The following UNC5D variants were observed in gnomAD, a reference collection of about 807,000 sequenced individuals.
The protein encoded by UNC5D is netrin receptor UNC5D.
UNC5D carries 39 observed loss-of-function variants against 105.4 expected under a neutral mutation model. The observed-to-expected ratio is 0.37, with a 90% CI of 0.29 to 0.48. The LOEUF is 0.48. Among genes scored for constraint, UNC5D ranks in the 20% least tolerant of loss-of-function variants. The probability of loss-of-function intolerance (pLI) is 0.98; values close to 1 mark genes in which losing one functional copy is unlikely to be tolerated. For missense variants in UNC5D, 991 were observed against 1,202.4 expected, an observed-to-expected ratio of 0.82 and a Z score of 2.60; for synonymous variants, 452 against 450.4, an observed-to-expected ratio of 1.00 and a Z score of -0.04.
chr8:35,282,501 G>T (rs184157311), intron 1 of UNC5D, among the ~76,000 whole-genome samples: 4 of 152,252 alleles, frequency 2.6e-5, no homozygotes, highest in East Asian at 3.9e-4. Flanking sequence ...ATAAGGAGTT[G>T]TCAGGAAGGG....
chr8:35,747,616 T>C (rs1301884327), intron 11 of UNC5D, among the ~76,000 whole-genome samples: 3 of 152,136 alleles, frequency 2.0e-5, no homozygotes, highest in Admixed American at 2.0e-4. Context: ...AGAACACATA[T>C]GCCATTGGGG....
intron 8 of UNC5D, chr8:35,721,307 T>C (rs1828568745): frequency 3.1e-6 from 2 of 646,160 alleles, no homozygotes; most frequent in East Asian, 2.7e-5. Context: ...GGAGCCATCA[T>C]GGATCTGCTA....
chr8:35,514,138 A>T (rs1315610911), intron 1 of UNC5D, among the ~76,000 whole-genome samples: 1 of 152,202 alleles, frequency 6.6e-6, no homozygotes, highest in African/African-American at 2.4e-5. Context: ...CCCTCAGCTG[A>T]GTCCATTTTG....
At chr8:35,590,346 G>A (rs1013910921) in intron 3 of UNC5D, among the ~76,000 whole-genome samples, 1 of 151,244 alleles carries the variant, frequency 6.6e-6, no homozygotes, top group African/African-American at 2.4e-5. Context: ...AAGATCCAAT[G>A]AATATTTTAT....
chr8:35,258,157 C>G (rs969714825), intron 1 of UNC5D, among the ~76,000 whole-genome samples: 2 of 152,110 alleles, frequency 1.3e-5, no homozygotes, highest in Non-Finnish European at 2.9e-5. Context: ...TGCATCGTCA[C>G]ATGGAGGAAG....
chr8:35,244,070 G>T (rs568327115), intron 1 of UNC5D, among the ~76,000 whole-genome samples: 1 of 152,142 alleles, frequency 6.6e-6, no homozygotes, highest in African/African-American at 2.4e-5. Flanking sequence ...CCTATTATGC[G>T]TGGCTGTTTA....
At chr8:35,277,489 T>C (rs1251434565) in intron 1 of UNC5D, among the ~76,000 whole-genome samples, 1 of 152,198 alleles carries the variant, frequency 6.6e-6, no homozygotes, top group African/African-American at 2.4e-5. Context: ...TGTACCTGCC[T>C]TCATTGTCAT....
intron 1 of UNC5D, among the ~76,000 whole-genome samples, chr8:35,269,303 C>T (rs1805108157): frequency 6.6e-6 from 1 of 152,186 alleles, no homozygotes; most frequent in Non-Finnish European, 1.5e-5. Context: ...CCCCAGGTGG[C>T]CCTGAACACC....
intron 1 of UNC5D, among the ~76,000 whole-genome samples, chr8:35,294,357 A>G (rs1807308493): frequency 6.6e-6 from 1 of 152,100 alleles, no homozygotes; most frequent in Admixed American, 6.6e-5. Flanking sequence ...TCCTTTCTCA[A>G]TAATTTTCTT....
At chr8:35,482,660 T>C (rs1055229878) in intron 1 of UNC5D, among the ~76,000 whole-genome samples, 4 of 152,106 alleles carry the variant, frequency 2.6e-5, no homozygotes, top group Admixed American at 2.6e-4. Context: ...AATAATAGGT[T>C]CTAGGAAACA....
rs113408554 is a variant in UNC5D, at chr8:35,290,542, A to G, written c.103+54655A>G. On this transcript the variant is annotated intron_variant, in intron 1 of 16. Transcript: ENST00000404895. ...TCAAAGGTTACCAAGTTTCTAATAG[A>G]CAGGAAGAGTAGGTTTTAATATCTA... 3.9e-3 allele frequency among the ~76,000 whole-genome samples: 587 copies of G among 152,258 alleles called. 5 individuals carry two copies. The highest frequency in any genetic ancestry group is 0.013 in the African/African-American group (553 of 41,564).
At chr8:35,766,842 T>C in intron 14 of UNC5D, 60 bp from the exon 15 acceptor site, 1 of 1,538,744 alleles carries the variant, frequency 6.5e-7, no homozygotes, top group Admixed American at 1.9e-5. Flanking sequence ...AAGTCTCTCC[T>C]GTTCTAGTTC....
At chr8:35,238,452 T>A (rs572591658) in intron 1 of UNC5D, among the ~76,000 whole-genome samples, 1 of 152,382 alleles carries the variant, frequency 6.6e-6, no homozygotes, top group Non-Finnish European at 1.5e-5. Context: ...TGTCGGCATA[T>A]TGTAAGGAAG....
chr8:35,744,626 G>T (rs941031031), intron 11 of UNC5D, among the ~76,000 whole-genome samples: 1 of 152,110 alleles, frequency 6.6e-6, no homozygotes, highest in Non-Finnish European at 1.5e-5. Context: ...ATGCTCAAAA[G>T]ATTCCAGATT....
chr8:35,547,104 AT>A (rs1317899165), intron 1 of UNC5D, among the ~76,000 whole-genome samples: 7 of 152,094 alleles, frequency 4.6e-5, no homozygotes, highest in Non-Finnish European at 7.4e-5. Flanking sequence ...ATCAAGTTAC[AT>A]TTAAGTTTAA....
At chr8:35,698,100 C>T (rs986942436) in intron 7 of UNC5D, among the ~76,000 whole-genome samples, 1 of 152,084 alleles carries the variant, frequency 6.6e-6, no homozygotes, top group African/African-American at 2.4e-5. Context: ...TCCTTTTTTA[C>T]AACTTTATTG....
chr8:35,713,183 C>T (rs984358499), intron 8 of UNC5D, among the ~76,000 whole-genome samples: 2 of 151,888 alleles, frequency 1.3e-5, no homozygotes, highest in Non-Finnish European at 2.9e-5. Context: ...AATTAAATAC[C>T]TCAGACATAA....
At chr8:35,439,742 C>A (rs1246318293) in intron 1 of UNC5D, among the ~76,000 whole-genome samples, 1 of 151,778 alleles carries the variant, frequency 6.6e-6, no homozygotes, top group African/African-American at 2.4e-5. Flanking sequence ...GTCGTTTTTC[C>A]ATCTTCTAAA....
At chr8:35,353,733 C>A (rs892067677) in intron 1 of UNC5D, among the ~76,000 whole-genome samples, 14 of 151,700 alleles carry the variant, frequency 9.2e-5, no homozygotes, top group African/African-American at 3.4e-4. Flanking sequence ...TGAAAAAAAT[C>A]CAAAAAAGAT....
Sources: gnomAD v4.1 joint callset for allele counts (sites outside exome capture counted in the v4.1 genomes callset) on GRCh38, gnomAD v4.1.1 for gene constraint, MANE v1.5 for transcripts, NCBI Gene and HGNC (gene_info 2026-07-23, HGNC 2026-07-21) for gene names.